DLG2: variants seen among roughly 807,000 people sequenced by gnomAD.
The protein encoded by DLG2 is disks large homolog 2.
DLG2 carries 45 observed loss-of-function variants against 132.5 expected under a neutral mutation model. That is an observed-to-expected ratio of 0.34 (90% CI 0.27 to 0.44). The LOEUF (loss-of-function observed/expected upper bound fraction) is 0.44. Among genes scored for constraint, DLG2 ranks in the 20% least tolerant of loss-of-function variants. The probability of loss-of-function intolerance (pLI) is 1.00; values close to 1 mark genes in which losing one functional copy is unlikely to be tolerated. For missense variants in DLG2, 1,045 were observed against 1,196.9 expected (o/e 0.87, Z 1.87); for synonymous variants, 424 against 419.6 (o/e 1.01, Z -0.13).
intron 3 of DLG2, among the ~76,000 whole-genome samples, chr11:85,388,765 A>G (rs1200238545): frequency 6.6e-6 from 1 of 152,154 alleles, no homozygotes; most frequent in Non-Finnish European, 1.5e-5. Context: ...ACTGCAGTTC[A>G]GCTCTCAGGA....
chr11:84,267,249 T>A (rs2097651623), intron 7 of DLG2, among the ~76,000 whole-genome samples: 1 of 152,118 alleles, frequency 6.6e-6, no homozygotes. Context: ...AAGTAGTTGG[T>A]AAGAAATTTC....
At chr11:84,492,916 A>T (rs911895863) in intron 7 of DLG2, among the ~76,000 whole-genome samples, 2 of 152,158 alleles carry the variant, frequency 1.3e-5, no homozygotes, top group African/African-American at 4.8e-5. Flanking sequence ...TTTTAAAGGC[A>T]TGCTTATATA....
Position 83,948,145 on chromosome 11 carries a change from G to A in DLG2, c.1340+14740C>T, listed in dbSNP as rs149057976. 4.6e-5 allele frequency among the ~76,000 whole-genome samples: 7 copies of A among 152,260 alleles called. No homozygotes were observed. In the East Asian group the frequency reaches 9.6e-4, roughly 21 times the overall value. ...TCTCTTATCTCAAGGTGGAAAATGA[G>A]ACTTTAGAAAAAGATTAAAGCAAAA... On this transcript the variant is annotated intron_variant, in intron 14 of 27. Transcript: ENST00000376104.
intron 6 of DLG2, among the ~76,000 whole-genome samples, chr11:85,075,553 C>A (rs1465559722): frequency 1.3e-5 from 2 of 151,702 alleles, no homozygotes; most frequent in African/African-American, 4.8e-5. Flanking sequence ...TTTCAAAAAA[C>A]CCCAAATTAC....
At chr11:84,141,750 T>G (rs2094857741) in intron 9 of DLG2, among the ~76,000 whole-genome samples, 2 of 152,266 alleles carry the variant, frequency 1.3e-5, no homozygotes, top group South Asian at 4.1e-4. Context: ...ATCTGCTTAG[T>G]TACATTGGTT....
chr11:84,401,154 G>A (rs1348851194), intron 7 of DLG2, among the ~76,000 whole-genome samples: 2 of 152,068 alleles, frequency 1.3e-5, no homozygotes, highest in East Asian at 3.9e-4. Flanking sequence ...CAGCAGGCAA[G>A]TTATTTATCA....
At chr11:84,934,845 T>A (rs2048554393) in intron 6 of DLG2, among the ~76,000 whole-genome samples, 1 of 152,066 alleles carries the variant, frequency 6.6e-6, no homozygotes, top group East Asian at 1.9e-4. Flanking sequence ...TCTTGTTAAT[T>A]CCATTACATC....
chr11:83,684,756 A>G (rs1044060290), intron 18 of DLG2, among the ~76,000 whole-genome samples: 6 of 151,960 alleles, frequency 3.9e-5, no homozygotes, highest in Admixed American at 6.6e-5. Context: ...TTAGCCCCCA[A>G]ATCCCCTCAG....
intron 3 of DLG2, among the ~76,000 whole-genome samples, chr11:85,516,950 G>T (rs754382665): frequency 6.6e-6 from 1 of 151,662 alleles, no homozygotes; most frequent in East Asian, 1.9e-4. Context: ...TGATATGAAA[G>T]GCAGGCAAAA....
At chr11:84,376,515 C>T (rs2098729493) in intron 7 of DLG2, among the ~76,000 whole-genome samples, 1 of 151,870 alleles carries the variant, frequency 6.6e-6, no homozygotes, top group Non-Finnish European at 1.5e-5. Context: ...TTAAGATCTA[C>T]TCTTGTGTCC....
chr11:83,469,655 C>T (rs915871398), intron 24 of DLG2, among the ~76,000 whole-genome samples: 1 of 152,146 alleles, frequency 6.6e-6, no homozygotes, highest in Admixed American at 6.6e-5. Context: ...CCCCACCTCT[C>T]TACCTAGAGG....
At chr11:85,244,851 C>T (rs185669229) in intron 4 of DLG2, among the ~76,000 whole-genome samples, 80 of 152,014 alleles carry the variant, frequency 5.3e-4, no homozygotes, top group Admixed American at 1.9e-3. Context: ...ATAATTAGAA[C>T]TCTTGCAGGT....
chr11:83,637,425 A>C (rs1380170698), intron 18 of DLG2, among the ~76,000 whole-genome samples: 1 of 152,178 alleles, frequency 6.6e-6, no homozygotes, highest in Non-Finnish European at 1.5e-5. Flanking sequence ...TGTACTACAT[A>C]CTTTTAAAAA....
intron 19 of DLG2, among the ~76,000 whole-genome samples, chr11:83,553,286 A>G (rs2096436381): frequency 6.6e-6 from 1 of 152,192 alleles, no homozygotes; most frequent in Non-Finnish European, 1.5e-5. Flanking sequence ...ATGTTTTTCC[A>G]CTATCAATGC....
At chr11:83,822,987 T>A (rs745981025) in intron 17 of DLG2, among the ~76,000 whole-genome samples, 5 of 152,086 alleles carry the variant, frequency 3.3e-5, no homozygotes, top group Non-Finnish European at 5.9e-5. Context: ...TCTTCTTGAA[T>A]AAAACAGCAG....
At chr11:84,715,005 G>T (rs1234972743) in intron 6 of DLG2, among the ~76,000 whole-genome samples, 1 of 151,876 alleles carries the variant, frequency 6.6e-6, no homozygotes, top group Non-Finnish European at 1.5e-5. Flanking sequence ...AAGAAAGGTA[G>T]GTTGCTTTCT....
chr11:85,539,889 C>A (rs55684820), intron 3 of DLG2, among the ~76,000 whole-genome samples: 7 of 152,160 alleles, frequency 4.6e-5, no homozygotes, highest in Non-Finnish European at 1.0e-4. Flanking sequence ...GCCATTTCAG[C>A]TGGGGCTTCA....
intron 3 of DLG2, among the ~76,000 whole-genome samples, chr11:85,345,240 A>T (rs1269512537): frequency 6.6e-6 from 1 of 152,118 alleles, no homozygotes; most frequent in Admixed American, 6.5e-5. Flanking sequence ...CCTTAGAAAG[A>T]TATTTACAGT....
At chr11:84,578,970 G>T (rs2099509958) in intron 6 of DLG2, among the ~76,000 whole-genome samples, 1 of 152,118 alleles carries the variant, frequency 6.6e-6, no homozygotes, top group African/African-American at 2.4e-5. Context: ...TAAGTCTCAT[G>T]AAATCTGATG....
Sources: gnomAD v4.1 joint callset for allele counts (sites outside exome capture counted in the v4.1 genomes callset) on GRCh38, gnomAD v4.1.1 for gene constraint, MANE v1.5 for transcripts, NCBI Gene and HGNC (gene_info 2026-07-23, HGNC 2026-07-21) for gene names.